Variants in SLC25A53 observed in about 807,000 individuals in gnomAD.
SLC25A53 encodes mitochondrial carrier triple repeat protein 6.
Under a neutral mutation model 15.0 loss-of-function variants are expected in SLC25A53, and 5 were observed. The observed-to-expected ratio is 0.33, with a 90% CI of 0.17 to 0.70. The LOEUF (loss-of-function observed/expected upper bound fraction) is 0.70. Ranked by LOEUF, SLC25A53 falls within the 30% of genes least tolerant of loss-of-function variation. The pLI, the probability that SLC25A53 is intolerant of heterozygous loss-of-function variation, is 0.67. For missense variants in SLC25A53, 216 were observed against 241.6 expected (o/e 0.89, Z 0.70); for synonymous variants, 95 against 100.0 (o/e 0.95, Z 0.30).
chrX:104,124,272 G>A (rs1157434903), intron 1 of SLC25A53, among the ~76,000 whole-genome samples: 4 of 111,969 alleles, frequency 3.6e-5, no homozygotes, highest in African/African-American at 1.3e-4. Flanking sequence ...GCATGAGATG[G>A]TATCTCATTG....
intron 1 of SLC25A53, among the ~76,000 whole-genome samples, chrX:104,109,942 T>C (rs1429383917): frequency 1.9e-5 from 2 of 102,765 alleles, no homozygotes; most frequent in Admixed American, 1.1e-4. Context: ...GTGGTCTCAT[T>C]AGAGGCATCA....
At chrX:104,116,556 A>G (rs114577647) in intron 1 of SLC25A53, among the ~76,000 whole-genome samples, 2,592 of 111,276 alleles carry the variant, frequency 0.023, 65 homozygotes, top group African/African-American at 0.08. Context: ...GCTCCCATCT[A>G]CAGTGACAGG....
intron 1 of SLC25A53, among the ~76,000 whole-genome samples, chrX:104,132,965 A>C (rs1483955979): frequency 1.8e-5 from 2 of 112,138 alleles, no homozygotes; most frequent in Admixed American, 1.9e-4. Flanking sequence ...ACAGTCTCCA[A>C]ACAGTCTGTA....
chrX:104,124,765 A>G (rs1397965972), intron 1 of SLC25A53, among the ~76,000 whole-genome samples: 1 of 109,165 alleles, frequency 9.2e-6, no homozygotes, highest in African/African-American at 3.3e-5. Flanking sequence ...AAAAAAAAAT[A>G]CATTCAATTT....
intron 1 of SLC25A53, among the ~76,000 whole-genome samples, chrX:104,152,232 C>T (rs782082904): frequency 1.0e-4 from 8 of 77,999 alleles, no homozygotes; most frequent in African/African-American, 3.9e-4. Context: ...CCCCCCTCCC[C>T]CCACCCCATG....
rs1210908408 is a variant in SLC25A53 at position 104,100,459 on chromosome X, A to T, written c.*3875T>A. On this transcript the variant is annotated 3_prime_UTR_variant, in exon 2 of 2. Coordinates refer to ENST00000594199, the MANE Select transcript of SLC25A53 (RefSeq NM_001012755.5). ...TATCAGAAAACATAGCTCCATTAAC[A>T]TCACTAAACTAAATATTAACATTGA... 3 of 111,874 alleles carry T rather than the reference A, an allele frequency of 2.7e-5. No homozygotes were observed. Among genetic ancestry groups the T allele is most frequent in the African/African-American group, 9.7e-5 (3 of 30,844 alleles). The allele number at this position is 111,874 out of a possible 1,213,427, so 9.2% of individuals were successfully genotyped here.
chrX:104,130,351 T>G (rs1362379091), intron 1 of SLC25A53, among the ~76,000 whole-genome samples: 2 of 111,427 alleles, frequency 1.8e-5, no homozygotes, highest in Non-Finnish European at 3.8e-5. Flanking sequence ...AATGTGTATG[T>G]ATGGCTTTAG....
chrX:104,114,606 A>G lies in SLC25A53; in HGVS notation c.-31-9318T>C, dbSNP rs782159831. Reference sequence around the variant, plus strand: ...AGAATGCTATTCAGGCAGGCATCCTAGCTGAGAAAGATGCAAACCAGACTC... The same window carrying G: ...AGAATGCTATTCAGGCAGGCATCCTGGCTGAGAAAGATGCAAACCAGACTC... On this transcript the variant is annotated intron_variant, in intron 1 of 1. Coordinates refer to ENST00000594199, the MANE Select transcript of SLC25A53 (RefSeq NM_001012755.5). 3.1e-5 allele frequency: 38 copies of G among 1,212,040 alleles called. No individual in the cohort carries two copies. The South Asian group carries it at 6.5e-4, about 21-fold the overall frequency.
rs782724895 is a variant in SLC25A53, at chrX:104,109,950, T to A, written c.-31-4662A>T. On this transcript the variant is annotated intron_variant, in intron 1 of 1. Coordinates refer to ENST00000594199, the MANE Select transcript of SLC25A53 (RefSeq NM_001012755.5). ...AGAAAATGTGGTCTCATTAGAGGCA[T>A]CAGTTGGAACACACTCATACATGTG... 3.1e-5 allele frequency among the ~76,000 whole-genome samples: 3 copies of A among 97,016 alleles called. No individual in the cohort carries two copies. The East Asian group carries it at 1.0e-3, about 33-fold the overall frequency. The allele number at this position is 97,016 out of a possible 115,157, so 84.2% of individuals were successfully genotyped here. A position where few individuals can be genotyped will look rare whatever the true frequency, so the allele number is the denominator to read the frequency against.
At chrX:104,125,546 G>T (rs1309496020) in intron 1 of SLC25A53, among the ~76,000 whole-genome samples, 2 of 111,896 alleles carry the variant, frequency 1.8e-5, no homozygotes, top group South Asian at 7.4e-4. Context: ...TGCTTTACTT[G>T]AATTCTCATA....
intron 1 of SLC25A53, among the ~76,000 whole-genome samples, chrX:104,137,616 C>A (rs1168069200): frequency 1.8e-5 from 2 of 111,550 alleles, no homozygotes; most frequent in African/African-American, 3.3e-5. Flanking sequence ...ACTCTTTTAT[C>A]TTTCAGACTT....
chrX:104,114,454 C>A (rs782648857), intron 1 of SLC25A53: 1 of 1,211,613 alleles, frequency 8.3e-7, no homozygotes, highest in East Asian at 3.0e-5. Flanking sequence ...AGATTTCTTG[C>A]GGGCAATGAA....
intron 1 of SLC25A53, among the ~76,000 whole-genome samples, chrX:104,129,794 A>G (rs1556365090): frequency 9.3e-6 from 1 of 107,227 alleles, no homozygotes; most frequent in African/African-American, 3.4e-5. Context: ...AACTATATAT[A>G]TAAATATATA....
Position 104,111,618 on chromosome X carries a change from C to T in SLC25A53, c.-31-6330G>A, listed in dbSNP as rs782186013. Among the ~76,000 whole-genome samples the T allele has an allele frequency of 2.3e-3, 251 of 110,842 alleles. 3 individuals carry two copies. The highest frequency in any genetic ancestry group is 7.7e-3 in the African/African-American group (233 of 30,086). On this transcript the variant is annotated intron_variant, in intron 1 of 1. Transcript: ENST00000594199. ...CCTCATCTTCCCTCAGCCCTCTCCC[C>T]ACTACCTCCTCACCCCCTCCCTCAG...
chrX:104,144,681 T>C (rs1373852807), intron 1 of SLC25A53, among the ~76,000 whole-genome samples: 2 of 110,385 alleles, frequency 1.8e-5, no homozygotes, highest in African/African-American at 6.8e-5. Flanking sequence ...CAGCCAATTA[T>C]CTTGAGTTGT....
chrX:104,111,857 T>C (rs1569460531), intron 1 of SLC25A53, among the ~76,000 whole-genome samples: 2 of 112,205 alleles, frequency 1.8e-5, no homozygotes. Flanking sequence ...ATGGAGATAA[T>C]GGTTCTTGCT....
rs2075279323 is a variant in SLC25A53 at position 104,101,303 on chromosome X, T to C, written c.*3031A>G. On this transcript the variant is annotated 3_prime_UTR_variant, in exon 2 of 2. Coordinates refer to ENST00000594199, the MANE Select transcript of SLC25A53 (RefSeq NM_001012755.5). ...GTGCTTTGGGGTTTTTATGGAAGCT[T>C]CATTGCGTAGGCATGATTGATTAAA... is the stretch of plus-strand genomic sequence containing the variant. The C allele has an allele frequency of 9.0e-6, 1 of 111,557 alleles. No homozygotes were observed. The highest frequency in any genetic ancestry group is 3.3e-5 in the African/African-American group (1 of 30,605). 9.2% of individuals were successfully genotyped at this position (111,557 alleles called of 1,213,427 possible).
chrX:104,143,101 C>T (rs1290884206), intron 1 of SLC25A53, among the ~76,000 whole-genome samples: 1 of 110,685 alleles, frequency 9.0e-6, no homozygotes, highest in Non-Finnish European at 1.9e-5. Flanking sequence ...CGGTAGGTCA[C>T]GAACGTCAAA....
intron 1 of SLC25A53, among the ~76,000 whole-genome samples, chrX:104,133,519 G>A (rs1378168557): frequency 9.0e-6 from 1 of 110,998 alleles, no homozygotes; most frequent in African/African-American, 3.3e-5. Flanking sequence ...GATTCTTATT[G>A]TTTTTCATGT....
Sources: gnomAD v4.1 joint callset for allele counts (sites outside exome capture counted in the v4.1 genomes callset) on GRCh38, gnomAD v4.1.1 for gene constraint, MANE v1.5 for transcripts, NCBI Gene and HGNC (gene_info 2026-07-23, HGNC 2026-07-21) for gene names.